Variants in C1orf185 observed in about 807,000 individuals in gnomAD.
C1orf185 encodes the protein uncharacterized protein C1orf185.
C1orf185 carries 13 observed loss-of-function variants against 16.1 expected under a neutral mutation model. The ratio of observed to expected loss-of-function variants is 0.81; its 90% confidence interval spans 0.53 to 1.28. The LOEUF is 1.28. Ranked by LOEUF, C1orf185 falls within the 50% of genes most tolerant of loss-of-function variation. C1orf185 has a pLI of 0.00. For synonymous variants in C1orf185, 80 were observed against 76.9 expected (o/e 1.04, Z -0.21); for missense variants, 220 against 225.2 (o/e 0.98, Z 0.15).
In C1orf185 at chr1:51,120,061, G is replaced by A. The variant is rs191518817; in HGVS notation, c.258+1260G>A. 2.3e-4 allele frequency among the ~76,000 whole-genome samples: 35 copies of A among 152,082 alleles called. No homozygotes were observed. In the South Asian group the frequency reaches 3.5e-3, roughly 15 times the overall value. On this transcript the variant is annotated intron_variant, in intron 3 of 4. Transcript: ENST00000371759. ...TTTAAGAAATGAAGAGAAGTTTGTC[G>A]GGAAGAAAGAGAACAAAGGACATCT...
At chr1:51,143,258 T>A (rs551315625) in intron 3 of C1orf185, among the ~76,000 whole-genome samples, 1 of 152,370 alleles carries the variant, frequency 6.6e-6, no homozygotes, top group South Asian at 2.1e-4. Context: ...ACAAATTACT[T>A]GCGCCTGAGT....
chr1:51,109,046 A>G (rs1557642410), intron 1 of C1orf185, among the ~76,000 whole-genome samples: 1 of 152,192 alleles, frequency 6.6e-6, no homozygotes, highest in African/African-American at 2.4e-5. Flanking sequence ...CCAACAGTCT[A>G]TAAGGGTTCC....
intron 3 of C1orf185, among the ~76,000 whole-genome samples, chr1:51,130,813 G>A (rs1396369471): frequency 1.3e-5 from 2 of 152,140 alleles, no homozygotes; most frequent in African/African-American, 4.8e-5. Flanking sequence ...CAGGAAGTAT[G>A]AGCCTTCCAG....
chr1:51,145,728 A>G lies in C1orf185; in HGVS notation c.263A>G (p.Glu88Gly). 7.6e-7 allele frequency: 1 copy of G among 1,309,038 alleles called. No homozygotes were observed. Among genetic ancestry groups the G allele is most frequent in the Non-Finnish European group, 1.0e-6 (1 of 966,044 alleles). 81.1% of individuals were successfully genotyped at this position (1,309,038 alleles called of 1,614,324 possible). A position where few individuals can be genotyped will look rare whatever the true frequency, so the allele number is the denominator to read the frequency against. ...AAATAACTTTTTTTAATGTAGGAGG[A>G]GCAAAGAAAAAAGGAAGCAGCACAT... Reference protein sequence around the residue: ...FHTGRFQLQEEQRKKEAAHIK... With the variant: ...FHTGRFQLQEGQRKKEAAHIK... Residue 88 changes from glutamate to glycine, a missense_variant, in exon 4 of 5, where the codon GAG becomes GGG. Coordinates refer to ENST00000371759, the MANE Select transcript of C1orf185 (RefSeq NM_001136508.2).
chr1:51,147,723 C>G lies in C1orf185; in HGVS notation c.552C>G (p.Thr184=). 1 of 1,550,580 alleles carries G rather than the reference C, an allele frequency of 6.4e-7. No homozygotes were observed. Among genetic ancestry groups the G allele is most frequent in the Non-Finnish European group, 8.7e-7 (1 of 1,146,540 alleles). ...AAAAAGTATTTTCATACCTGTCAAC[C>G]ATTTCATTAGAAGAGGGTACTGAAA... The part of the protein sequence containing the change: ...LMEKVFSYLS[T]ISLEEGTESV... Residue 184 remains threonine (T), a synonymous_variant, in exon 5 of 5, where the codon ACC becomes ACG. Coordinates refer to ENST00000371759, the MANE Select transcript of C1orf185 (RefSeq NM_001136508.2).
chr1:51,136,572 C>T (rs776485390), intron 3 of C1orf185, among the ~76,000 whole-genome samples: 3 of 152,080 alleles, frequency 2.0e-5, no homozygotes, highest in Non-Finnish European at 4.4e-5. Context: ...ATCAACGGAA[C>T]AGAATACAGA....
intron 3 of C1orf185, among the ~76,000 whole-genome samples, chr1:51,129,326 C>T (rs1005231613): frequency 3.9e-5 from 6 of 152,162 alleles, no homozygotes; most frequent in African/African-American, 1.4e-4. Context: ...TTTATAATCA[C>T]TCCCTCCCTC....
At chr1:51,146,564 G>A (rs180980544) in intron 4 of C1orf185, among the ~76,000 whole-genome samples, 19 of 151,910 alleles carry the variant, frequency 1.3e-4, no homozygotes, top group Admixed American at 9.2e-4. Flanking sequence ...ATAGAATATT[G>A]TATAGATATT....
downstream of C1orf185, among the ~76,000 whole-genome samples, chr1:51,151,071 T>C (rs1162204479): frequency 6.6e-6 from 1 of 152,200 alleles, no homozygotes; most frequent in African/African-American, 2.4e-5. Context: ...ACAGTTGACA[T>C]TGACATAGGG....
chr1:51,151,742 G>A (rs961384303), downstream of C1orf185, among the ~76,000 whole-genome samples: 5 of 151,970 alleles, frequency 3.3e-5, no homozygotes, highest in African/African-American at 7.2e-5. Context: ...AGGCTGGAGT[G>A]CAGTGGCAAT....
At chr1:51,123,700 C>T (rs768082402) in intron 3 of C1orf185, among the ~76,000 whole-genome samples, 1 of 152,112 alleles carries the variant, frequency 6.6e-6, no homozygotes, top group Admixed American at 6.6e-5. Flanking sequence ...TGGAGTTTCA[C>T]CATTCTAACA....
intron 2 of C1orf185, among the ~76,000 whole-genome samples, chr1:51,116,669 T>G (rs952533978): frequency 6.6e-5 from 10 of 152,142 alleles, no homozygotes; most frequent in Non-Finnish European, 1.5e-4. Context: ...TCATTGCCTT[T>G]GGATTAAAGA....
chr1:51,145,230 A>G (rs1240846323), intron 3 of C1orf185, among the ~76,000 whole-genome samples: 1 of 151,920 alleles, frequency 6.6e-6, no homozygotes, highest in Non-Finnish European at 1.5e-5. Context: ...GCTTGAGCCC[A>G]GGAGTTCAAG....
intron 1 of C1orf185, among the ~76,000 whole-genome samples, chr1:51,110,577 C>T (rs1215100875): frequency 6.6e-6 from 1 of 152,166 alleles, no homozygotes; most frequent in African/African-American, 2.4e-5. Flanking sequence ...AATATATTCA[C>T]ACAAAGATCT....
intron 3 of C1orf185, among the ~76,000 whole-genome samples, chr1:51,122,057 A>G (rs925114208): frequency 7.2e-5 from 11 of 152,272 alleles, no homozygotes; most frequent in African/African-American, 2.4e-4. Flanking sequence ...TTTTTTGTGC[A>G]GTATTGCATT....
intron 1 of C1orf185, among the ~76,000 whole-genome samples, chr1:51,106,403 T>C (rs1019356528): frequency 6.6e-6 from 1 of 152,048 alleles, no homozygotes; most frequent in Non-Finnish European, 1.5e-5. Context: ...ATTGAGATTA[T>C]GTTATGTCTA....
At chr1:51,128,345 A>G (rs1017826947) in intron 3 of C1orf185, among the ~76,000 whole-genome samples, 1 of 152,126 alleles carries the variant, frequency 6.6e-6, no homozygotes, top group Non-Finnish European at 1.5e-5. Context: ...TCAATTTTCC[A>G]TGGACTTGCC....
intron 3 of C1orf185, among the ~76,000 whole-genome samples, chr1:51,124,943 C>A (rs1557647726): frequency 3.3e-5 from 5 of 152,178 alleles, no homozygotes. Flanking sequence ...GATTACTCTT[C>A]CTTAATCTTA....
downstream of C1orf185, among the ~76,000 whole-genome samples, chr1:51,149,863 T>C (rs1309235097): frequency 1.3e-5 from 2 of 152,234 alleles, no homozygotes; most frequent in African/African-American, 4.8e-5. Context: ...CTTCATGAAG[T>C]ATGGCTATAA....
Sources: gnomAD v4.1 joint callset for allele counts (sites outside exome capture counted in the v4.1 genomes callset) on GRCh38, gnomAD v4.1.1 for gene constraint, MANE v1.5 for transcripts, NCBI Gene and HGNC (gene_info 2026-07-23, HGNC 2026-07-21) for gene names.